The following DIP2C variants were observed in gnomAD, a reference collection of about 807,000 sequenced individuals.
DIP2C encodes disco-interacting protein 2 homolog C.
Under a neutral mutation model 192.4 loss-of-function variants are expected in DIP2C, and 33 were observed. That is an observed-to-expected ratio of 0.17 (90% CI 0.13 to 0.23). DIP2C has a LOEUF of 0.23. Among genes scored for constraint, DIP2C ranks in the 10% least tolerant of loss-of-function variants. The pLI is 1.00. For missense variants in DIP2C, 1,537 were observed against 2,110.1 expected (o/e 0.73, Z 5.32); for synonymous variants, 979 against 864.1 (o/e 1.13, Z -2.33).
chr10:673,844 C>G (rs950114761), intron 1 of DIP2C, among the ~76,000 whole-genome samples: 1 of 152,002 alleles, frequency 6.6e-6, no homozygotes, highest in African/African-American at 2.4e-5. Flanking sequence ...CTACTAGGGG[C>G]GAAACAGAAA....
intron 1 of DIP2C, among the ~76,000 whole-genome samples, chr10:521,644 T>TA (rs1846712476): frequency 6.6e-6 from 1 of 152,234 alleles, no homozygotes; most frequent in Non-Finnish European, 1.5e-5. Flanking sequence ...GTGAGTTACT[T>TA]AATGCAAAGG....
At chr10:506,049 C>A (rs923672260) in intron 1 of DIP2C, among the ~76,000 whole-genome samples, 1 of 152,208 alleles carries the variant, frequency 6.6e-6, no homozygotes, top group South Asian at 2.1e-4. Context: ...TCACATTTGG[C>A]AGCACAAGGG....
intron 1 of DIP2C, among the ~76,000 whole-genome samples, chr10:560,749 C>G (rs1564200879): frequency 6.6e-6 from 1 of 152,192 alleles, no homozygotes; most frequent in Non-Finnish European, 1.5e-5. Flanking sequence ...TCAACAGCCC[C>G]TACTCTTGGC....
intron 1 of DIP2C, among the ~76,000 whole-genome samples, chr10:680,487 T>C (rs1166181250): frequency 6.6e-6 from 1 of 152,092 alleles, no homozygotes; most frequent in African/African-American, 2.4e-5. Context: ...CGTGTGGATC[T>C]GCAGCACAAC....
intron 1 of DIP2C, among the ~76,000 whole-genome samples, chr10:581,016 C>G (rs896707710): frequency 1.1e-4 from 16 of 152,176 alleles, no homozygotes; most frequent in African/African-American, 3.9e-4. Context: ...AGTATTCTGG[C>G]AGATTATTCA....
chr10:408,003 G>A (rs974237770), intron 9 of DIP2C, among the ~76,000 whole-genome samples: 1 of 152,074 alleles, frequency 6.6e-6, no homozygotes, highest in Admixed American at 6.5e-5. Context: ...GCCAAATCCA[G>A]GGTCATGAGG....
chr10:394,463 G>GCC (rs1564656257), intron 10 of DIP2C, among the ~76,000 whole-genome samples: 15 of 151,824 alleles, frequency 9.9e-5, no homozygotes, highest in South Asian at 2.1e-4. Context: ...GAGGAGGGAA[G>GCC]TCTGCCGTGT....
In DIP2C at chr10:422,922, T is replaced by C; in HGVS notation, c.506A>G (p.His169Arg). ...NMEHWISQAI[H>R]GSTTSTTSSS... ...GGAGGTGGTGGACGTGGTGGAGCCG[T>C]GGATGGCCTGGCTGATCCAGTGCTC... The change falls in exon 5 of 37, where the codon CAC becomes CGC. Residue 169 changes from histidine to arginine, a missense_variant. Coordinates refer to ENST00000280886, the MANE Select transcript of DIP2C (RefSeq NM_014974.3). 1 of 1,614,066 alleles carries C rather than the reference T, an allele frequency of 6.2e-7. No individual in the cohort carries two copies. Among genetic ancestry groups the C allele is most frequent in the Non-Finnish European group, 8.5e-7 (1 of 1,180,024 alleles).
intron 7 of DIP2C, among the ~76,000 whole-genome samples, chr10:414,729 G>GTATATATA (rs1373768409): frequency 2.9e-5 from 2 of 69,258 alleles, no homozygotes; most frequent in African/African-American, 1.1e-4. Flanking sequence ...GTGTGTGTGT[G>GTATATATA]TGTGTGTGTG....
chr10:327,776 T>C (rs770139970), intron 30 of DIP2C, among the ~76,000 whole-genome samples: 12 of 152,202 alleles, frequency 7.9e-5, no homozygotes, highest in Non-Finnish European at 1.3e-4. Flanking sequence ...TCCATTTATG[T>C]CCCATTACGC....
intron 1 of DIP2C, among the ~76,000 whole-genome samples, chr10:568,683 G>A (rs899701332): frequency 1.5e-4 from 22 of 145,470 alleles, no homozygotes; most frequent in Non-Finnish European, 2.7e-4. Flanking sequence ...GGAGAATGGC[G>A]TGAACCCGGG....
At chr10:515,366 G>C (rs1047424395) in intron 1 of DIP2C, among the ~76,000 whole-genome samples, 8 of 152,102 alleles carry the variant, frequency 5.3e-5, no homozygotes, top group Non-Finnish European at 1.2e-4. Context: ...TCTCCTCCTA[G>C]GCTCTTCCAA....
rs1035392629 is a variant in DIP2C at position 560,056 on chromosome 10, TCA to T, written c.86-73528_86-73527del. Among the ~76,000 whole-genome samples, 9 of 148,832 alleles carry T rather than the reference TCA, an allele frequency of 6.0e-5. No homozygotes were observed. The East Asian group carries it at 6.2e-4, about 10-fold the overall frequency. On this transcript the variant is annotated intron_variant, in intron 1 of 36. Transcript: ENST00000280886. ...GTTCTCACCTCTCCCTCCTGCCCTG[TCA>T]CAGACACCCAGCACTGCGCCCAAGG...
At chr10:559,459 G>T (rs1849084886) in intron 1 of DIP2C, among the ~76,000 whole-genome samples, 1 of 152,140 alleles carries the variant, frequency 6.6e-6, no homozygotes. Context: ...CCAGGGCCTG[G>T]ACTCCTCAAA....
intron 1 of DIP2C, among the ~76,000 whole-genome samples, chr10:639,189 A>G: frequency 7.2e-6 from 1 of 139,626 alleles, no homozygotes. Context: ...ACACATGTGG[A>G]CGCGTCAGGC....
rs141630073 is a variant in DIP2C at position 293,736 on chromosome 10, G to C, written c.3987-5315C>G. ...CATTAAAATCACAAGGAACAACAGT[G>C]CTTAAAAATAACAGGCATCATGTTC... On this transcript the variant is annotated intron_variant, in intron 32 of 36. Coordinates refer to ENST00000280886, the MANE Select transcript of DIP2C (RefSeq NM_014974.3). Among the ~76,000 whole-genome samples the C allele has an allele frequency of 2.1e-3, 315 of 152,306 alleles. 2 individuals carry two copies. The highest frequency in any genetic ancestry group is 7.3e-3 in the African/African-American group (303 of 41,562).
At chr10:294,600 GAAAAA>G (rs570204891) in intron 32 of DIP2C, among the ~76,000 whole-genome samples, 1 of 126,168 alleles carries the variant, frequency 7.9e-6, no homozygotes, top group African/African-American at 2.9e-5. Context: ...TCTAAAAAAA[GAAAAA>G]AAAAAAAGAG....
intron 1 of DIP2C, among the ~76,000 whole-genome samples, chr10:488,983 G>A (rs564233756): frequency 6.6e-5 from 10 of 152,278 alleles, no homozygotes; most frequent in East Asian, 1.9e-4. Context: ...CTGGGCAGAC[G>A]CGGGGTGATC....
chr10:475,026 C>T lies in DIP2C; in HGVS notation c.158-2477G>A, dbSNP rs571636753. On this transcript the variant is annotated intron_variant, in intron 2 of 36. Transcript: ENST00000280886. ...CTCCCCAAGGAAGGCTTCAACGGGG[C>T]TGTTTCGTTTGCCCGAAGAGCCCTC... 2.0e-5 allele frequency among the ~76,000 whole-genome samples: 3 copies of T among 152,282 alleles called. No homozygotes were observed. In the South Asian group the frequency reaches 6.2e-4, roughly 32 times the overall value.
Sources: allele counts gnomAD v4.1 joint callset (sites outside exome capture counted in the v4.1 genomes callset), GRCh38; gene constraint gnomAD v4.1.1; transcripts MANE v1.5; gene names NCBI Gene and HGNC (gene_info 2026-07-23, HGNC 2026-07-21).